Variants in SHROOM4 observed in about 807,000 individuals in gnomAD.
SHROOM4 encodes the protein shroom family member 4, also known as protein Shroom4.
A neutral mutation model predicts 80.3 loss-of-function variants in SHROOM4; 17 were observed. That is an observed-to-expected ratio of 0.21 (90% CI 0.14 to 0.32). The LOEUF (loss-of-function observed/expected upper bound fraction) is 0.32, where lower values mean the gene tolerates loss of function less well. Ranked by LOEUF, SHROOM4 falls within the 10% of genes least tolerant of loss-of-function variation. The probability of loss-of-function intolerance (pLI) is 1.00; values close to 1 mark genes in which losing one functional copy is unlikely to be tolerated. For missense variants in SHROOM4, 993 were observed against 1,140.3 expected (o/e 0.87, Z 1.86); for synonymous variants, 400 against 437.5 (o/e 0.91, Z 1.07).
At position 50,634,379 on chromosome X, in the gene SHROOM4, C is replaced by T. The variant is rs200526497; in HGVS notation, c.1694G>A (p.Arg565Gln). Residue 565 changes from arginine to glutamine, a missense_variant, in exon 4 of 9, where the codon CGG becomes CAG. Coordinates refer to ENST00000376020, the MANE Select transcript of SHROOM4 (RefSeq NM_020717.5). ...EGDSEPKECS[R>Q]MGGRRSGGTR... is the part of the protein sequence containing the mutation. ...CCCTCCACTTCGCCTACCACCCATC[C>T]GGCTGCACTCCTTGGGCTCGCTGTC... 5.0e-5 allele frequency: 60 copies of T among 1,208,978 alleles called. No individual in the cohort carries two copies. The East Asian group carries it at 7.1e-4, about 14-fold the overall frequency.
At chrX:50,698,125 T>C (rs1041403388) in intron 1 of SHROOM4, among the ~76,000 whole-genome samples, 9 of 112,638 alleles carry the variant, frequency 8.0e-5, no homozygotes, top group Non-Finnish European at 1.7e-4. Flanking sequence ...CTTTCGTTAA[T>C]TAAACACTCT....
chrX:50,779,519 A>AATCATC (rs1206631411), intron 1 of SHROOM4, among the ~76,000 whole-genome samples: 4 of 111,831 alleles, frequency 3.6e-5, no homozygotes, highest in African/African-American at 1.3e-4. Flanking sequence ...AGCCAAGGAT[A>AATCATC]ATCATCTGGG....
chrX:50,699,257 T>C (rs1933456094), intron 1 of SHROOM4, among the ~76,000 whole-genome samples: 2 of 112,201 alleles, frequency 1.8e-5, no homozygotes, highest in African/African-American at 6.5e-5. Flanking sequence ...ATAGAGGTCA[T>C]ATAACCAAAA....
intron 2 of SHROOM4, among the ~76,000 whole-genome samples, chrX:50,682,376 C>T (rs1406709153): frequency 8.9e-6 from 1 of 111,802 alleles, no homozygotes; most frequent in African/African-American, 3.2e-5. Flanking sequence ...ATCCTCACTG[C>T]AATAACCCTT....
At position 50,591,694 on chromosome X, in the gene SHROOM4, TTTTCTTTCTTTCTTTC is replaced by T. The variant is rs199924127; in HGVS notation, c.*4985_*5000del. 1.5e-3 allele frequency: 369 copies of T among 248,928 alleles called. No individual in the cohort carries two copies. The highest frequency in any genetic ancestry group is 3.1e-3 in the African/African-American group (89 of 28,744). The allele number at this position is 248,928 out of a possible 1,213,427, so 20.5% of individuals were successfully genotyped here. A position where few individuals can be genotyped will look rare whatever the true frequency, so the allele number is the denominator to read the frequency against. Reference sequence around the variant, plus strand: ...TTTTCTTTCTTTCTTTCTTTCTTTCTTTTCTTTCTTTCTTTCTTTCTTTCTTTCTTTCTTTCTTTTT... The same window carrying T: ...TTTTCTTTCTTTCTTTCTTTCTTTCTTTTCTTTCTTTCTTTCTTTCTTTTT... On this transcript the variant is annotated 3_prime_UTR_variant, in exon 9 of 9. Transcript: ENST00000376020.
intron 1 of SHROOM4, among the ~76,000 whole-genome samples, chrX:50,746,019 A>G (rs1202346702): frequency 1.8e-5 from 2 of 111,928 alleles, no homozygotes; most frequent in Non-Finnish European, 3.8e-5. Context: ...TTAATTCAAC[A>G]CATGTTTAGC....
intron 5 of SHROOM4, among the ~76,000 whole-genome samples, chrX:50,610,623 T>C (rs1186229013): frequency 8.9e-6 from 1 of 111,746 alleles, no homozygotes; most frequent in Non-Finnish European, 1.9e-5. Flanking sequence ...ATCTTGTCTG[T>C]CTCATTCATA....
intron 1 of SHROOM4, among the ~76,000 whole-genome samples, chrX:50,746,926 A>G (rs1934784178): frequency 1.8e-5 from 2 of 112,243 alleles, no homozygotes; most frequent in African/African-American, 3.2e-5. Context: ...TGATCCTAAG[A>G]GCAATGATTT....
intron 1 of SHROOM4, among the ~76,000 whole-genome samples, chrX:50,752,933 A>G (rs1302473951): frequency 8.9e-6 from 1 of 112,131 alleles, no homozygotes; most frequent in African/African-American, 3.2e-5. Context: ...AATCTCACAT[A>G]GGGTCACATA....
At chrX:50,630,851 T>C (rs979921872) in intron 4 of SHROOM4, among the ~76,000 whole-genome samples, 17 of 111,612 alleles carry the variant, frequency 1.5e-4, no homozygotes, top group Non-Finnish European at 2.8e-4. Context: ...CAAGGAGAAA[T>C]AGATGACCTA....
intron 6 of SHROOM4, among the ~76,000 whole-genome samples, chrX:50,604,132 G>T (rs1175673604): frequency 1.8e-5 from 2 of 111,793 alleles, no homozygotes; most frequent in African/African-American, 3.3e-5. Flanking sequence ...AAAGAAAGTT[G>T]GGCCCGCCAA....
Position 50,598,539 on chromosome X carries a change from G to A in SHROOM4, c.3943-4C>T. 1.7e-6 allele frequency: 2 copies of A among 1,202,842 alleles called. No individual in the cohort carries two copies. The highest frequency in any genetic ancestry group is 1.1e-6 in the Non-Finnish European group (1 of 890,661). ...TGATGCTTTCGATAAGCTGTATCTA[G>A]GGGAATTAAACAGGAGAAGACAAAG... On this transcript the variant is annotated splice_polypyrimidine_tract_variant and splice_region_variant and intron_variant, in intron 7 of 8. Coordinates refer to ENST00000376020, the MANE Select transcript of SHROOM4 (RefSeq NM_020717.5).
intron 2 of SHROOM4, among the ~76,000 whole-genome samples, chrX:50,689,643 G>A (rs189611619): frequency 2.7e-3 from 299 of 111,392 alleles, no homozygotes; most frequent in Non-Finnish European, 4.4e-3. Flanking sequence ...TGATTACTGT[G>A]GTCTATTGTT....
At position 50,587,691 on chromosome X, in the gene SHROOM4, C is replaced by T. The variant is rs1353815785; in HGVS notation, c.*9004G>A. On this transcript the variant is annotated 3_prime_UTR_variant, in exon 9 of 9. Coordinates refer to ENST00000376020, the MANE Select transcript of SHROOM4 (RefSeq NM_020717.5). ...AGCCCCACGAGAGTGGGGACTTTGT[C>T]TATCTTGTCCACTTCTGAATCCCTG... Among the ~76,000 whole-genome samples, 1 of 112,200 alleles carries T rather than the reference C, an allele frequency of 8.9e-6. No homozygotes were observed. The highest frequency in any genetic ancestry group is 1.9e-5 in the Non-Finnish European group (1 of 53,203).
chrX:50,724,225 A>G (rs1425955906), intron 1 of SHROOM4, among the ~76,000 whole-genome samples: 3 of 111,513 alleles, frequency 2.7e-5, no homozygotes, highest in Non-Finnish European at 5.6e-5. Flanking sequence ...GAAGAGAGCC[A>G]TGAGCCAAGG....
chrX:50,595,201 C>G lies in SHROOM4; in HGVS notation c.*1494G>C, dbSNP rs781957218. The G allele has an allele frequency of 4.4e-5, 5 of 113,197 alleles. No homozygotes were observed. In the East Asian group the frequency reaches 8.4e-4, roughly 19 times the overall value. The allele number at this position is 113,197 out of a possible 1,213,427, so 9.3% of individuals were successfully genotyped here. On this transcript the variant is annotated 3_prime_UTR_variant, in exon 9 of 9. Transcript: ENST00000376020. Reference sequence around the variant, plus strand: ...ACAGGGCAGCATTTGGCCATAACCCCCTTCTTGCCATCGTCCACCTGAGGG... The same window carrying G: ...ACAGGGCAGCATTTGGCCATAACCCGCTTCTTGCCATCGTCCACCTGAGGG...
At chrX:50,585,948 G>A (rs1327906451), downstream of SHROOM4, among the ~76,000 whole-genome samples, 3 of 111,299 alleles carry the variant, frequency 2.7e-5, no homozygotes, top group Non-Finnish European at 5.6e-5. Context: ...GTGAGAAAGT[G>A]TCCAAAATTA....
chrX:50,683,450 T>C (rs1204524466), intron 2 of SHROOM4, among the ~76,000 whole-genome samples: 1 of 111,744 alleles, frequency 8.9e-6, no homozygotes, highest in Non-Finnish European at 1.9e-5. Context: ...CTGGTTGCAC[T>C]GTGGAGAATA....
At chrX:50,808,289 C>T in intron 1 of SHROOM4, among the ~76,000 whole-genome samples, 1 of 112,004 alleles carries the variant, frequency 8.9e-6, no homozygotes, top group Non-Finnish European at 1.9e-5. Context: ...AAAGGAAAAG[C>T]TGTCCACAGT....
Sources: gnomAD v4.1 joint callset for allele counts (sites outside exome capture counted in the v4.1 genomes callset) on GRCh38, gnomAD v4.1.1 for gene constraint, MANE v1.5 for transcripts, NCBI Gene and HGNC (gene_info 2026-07-23, HGNC 2026-07-21) for gene names.